Variants in TSHZ2 observed in about 807,000 individuals in gnomAD.
The protein encoded by TSHZ2 is teashirt homolog 2.
TSHZ2 carries 21 observed loss-of-function variants against 74.4 expected under a neutral mutation model. The ratio of observed to expected loss-of-function variants is 0.28; its 90% CI spans 0.20 to 0.41. TSHZ2 has a LOEUF of 0.41. TSHZ2 is among the 10% of genes least tolerant of loss of function. The pLI, the probability that TSHZ2 is intolerant of heterozygous loss-of-function variation, is 1.00. For synonymous variants in TSHZ2, 540 were observed against 515.3 expected, an observed-to-expected ratio of 1.05 and a Z score of -0.65; for missense variants, 1,244 against 1,293.5, an observed-to-expected ratio of 0.96 and a Z score of 0.59.
chr20:53,212,225 TG>T (rs1989327469), intron 1 of TSHZ2, among the ~76,000 whole-genome samples: 1 of 152,190 alleles, frequency 6.6e-6, no homozygotes, highest in Non-Finnish European at 1.5e-5. Context: ...ACAATGACTT[TG>T]CAATAATTTA....
intron 2 of TSHZ2, among the ~76,000 whole-genome samples, chr20:53,397,123 A>T (rs1232011175): frequency 6.6e-6 from 1 of 152,184 alleles, no homozygotes; most frequent in African/African-American, 2.4e-5. Context: ...AAATTGACAA[A>T]TGGGATCTAA....
At chr20:53,182,764 T>C (rs1305042132) in intron 1 of TSHZ2, among the ~76,000 whole-genome samples, 1 of 152,218 alleles carries the variant, frequency 6.6e-6, no homozygotes, top group Non-Finnish European at 1.5e-5. Flanking sequence ...GTGTCTCTCA[T>C]CTTTTCCTCT....
intron 1 of TSHZ2, among the ~76,000 whole-genome samples, chr20:53,057,269 G>C (rs1296256514): frequency 4.6e-5 from 7 of 152,250 alleles, no homozygotes; most frequent in African/African-American, 1.7e-4. Flanking sequence ...CTAGTACCTT[G>C]TAAGCATGCA....
intron 1 of TSHZ2, among the ~76,000 whole-genome samples, chr20:53,051,095 T>A (rs1424977773): frequency 6.6e-6 from 1 of 152,188 alleles, no homozygotes; most frequent in Non-Finnish European, 1.5e-5. Flanking sequence ...TCCCAACACT[T>A]TGGGAGGCTG....
At chr20:53,077,428 GATA>G (rs1985402051) in intron 1 of TSHZ2, among the ~76,000 whole-genome samples, 1 of 135,154 alleles carries the variant, frequency 7.4e-6, no homozygotes, top group African/African-American at 2.8e-5. Flanking sequence ...AAAAAAAAAA[GATA>G]ATACTCTGGG....
intron 2 of TSHZ2, among the ~76,000 whole-genome samples, chr20:53,461,059 T>C (rs1055362836): frequency 1.1e-4 from 17 of 152,328 alleles, no homozygotes; most frequent in Middle Eastern, 3.4e-3. Context: ...TGAGCTGTGG[T>C]GGGCTCCACC....
At chr20:53,117,147 G>A (rs963844158) in intron 1 of TSHZ2, among the ~76,000 whole-genome samples, 8 of 152,116 alleles carry the variant, frequency 5.3e-5, no homozygotes, top group African/African-American at 1.9e-4. Flanking sequence ...ACTTCCCAAA[G>A]CCCCTATCTC....
At chr20:53,442,178 G>A (rs1340662402) in intron 2 of TSHZ2, among the ~76,000 whole-genome samples, 1 of 152,170 alleles carries the variant, frequency 6.6e-6, no homozygotes, top group Non-Finnish European at 1.5e-5. Context: ...GGGAATGTAT[G>A]AGTGTGTGTA....
At chr20:53,310,077 C>T (rs1227054289) in intron 2 of TSHZ2, among the ~76,000 whole-genome samples, 4 of 152,184 alleles carry the variant, frequency 2.6e-5, no homozygotes, top group Admixed American at 6.5e-5. Context: ...TTCTTTTAAA[C>T]AAGTATTCTA....
At chr20:53,435,078 G>A (rs1040701549) in intron 2 of TSHZ2, among the ~76,000 whole-genome samples, 4 of 152,218 alleles carry the variant, frequency 2.6e-5, no homozygotes, top group African/African-American at 9.7e-5. Flanking sequence ...AAAAAGACAG[G>A]AAGCTTTCGG....
intron 2 of TSHZ2, among the ~76,000 whole-genome samples, chr20:53,410,622 T>C (rs1045612246): frequency 1.3e-5 from 2 of 148,274 alleles, no homozygotes; most frequent in African/African-American, 4.9e-5. Context: ...ATTATTATTA[T>C]TATTAGCTGT....
chr20:53,206,818 G>A (rs776049283), intron 1 of TSHZ2, among the ~76,000 whole-genome samples: 15 of 152,154 alleles, frequency 9.9e-5, no homozygotes, highest in Non-Finnish European at 1.5e-4. Flanking sequence ...AGCCCTGGTG[G>A]GTAACGGTGA....
intron 1 of TSHZ2, among the ~76,000 whole-genome samples, chr20:53,124,033 A>G (rs952820826): frequency 3.9e-5 from 6 of 152,180 alleles, no homozygotes; most frequent in Non-Finnish European, 8.8e-5. Flanking sequence ...TCCCCTAAAC[A>G]TATGTAATCA....
chr20:53,234,793 C>G (rs929553818), intron 1 of TSHZ2, among the ~76,000 whole-genome samples: 1 of 152,038 alleles, frequency 6.6e-6, no homozygotes, highest in Non-Finnish European at 1.5e-5. Flanking sequence ...GCGTTGGAGA[C>G]CAAGTGGAGA....
intron 2 of TSHZ2, among the ~76,000 whole-genome samples, chr20:53,473,932 T>C (rs1052908233): frequency 6.6e-6 from 1 of 151,772 alleles, no homozygotes; most frequent in African/African-American, 2.4e-5. Context: ...ATGAATGAAA[T>C]GAAGCGAGAA....
At chr20:53,138,198 C>T (rs781134055) in intron 1 of TSHZ2, among the ~76,000 whole-genome samples, 11 of 151,892 alleles carry the variant, frequency 7.2e-5, no homozygotes, top group Admixed American at 2.0e-4. Flanking sequence ...CTGGCTAACA[C>T]GGTGAAACCC....
chr20:53,149,908 G>A (rs999894322), intron 1 of TSHZ2, among the ~76,000 whole-genome samples: 6 of 152,152 alleles, frequency 3.9e-5, no homozygotes, highest in Admixed American at 1.3e-4. Context: ...CATGAAGTCC[G>A]TCACCAAATG....
rs1045746108 is a variant in TSHZ2, at chr20:53,459,033, T to C, written c.*9-28111T>C. Among the ~76,000 whole-genome samples, 88 of 152,312 alleles carry C rather than the reference T, an allele frequency of 5.8e-4. 1 individual carries two copies. Among genetic ancestry groups the C allele is most frequent in the African/African-American group, 1.9e-3 (81 of 41,556 alleles). On this transcript the variant is annotated intron_variant, in intron 2 of 2. Transcript: ENST00000371497. ...GTGGTGCGGTGCTGAAAAAAATATA[T>C]ATTCTGTTGATTTGGGGTGGAGAGT...
chr20:53,105,978 T>C (rs1986351512), intron 1 of TSHZ2, among the ~76,000 whole-genome samples: 1 of 152,198 alleles, frequency 6.6e-6, no homozygotes, highest in Non-Finnish European at 1.5e-5. Flanking sequence ...CAAATAATAA[T>C]TGTACATATT....
Sources: allele counts gnomAD v4.1 joint callset (sites outside exome capture counted in the v4.1 genomes callset), GRCh38; gene constraint gnomAD v4.1.1; transcripts MANE v1.5; gene names NCBI Gene and HGNC (gene_info 2026-07-23, HGNC 2026-07-21).